FOXP1: variants seen among roughly 807,000 people sequenced by gnomAD.
FOXP1 encodes forkhead box protein P1.
Under a neutral mutation model 98.2 loss-of-function variants are expected in FOXP1, and 15 were observed. The ratio of observed to expected loss-of-function variants is 0.15; its 90% CI spans 0.10 to 0.24. FOXP1 has a LOEUF of 0.24. Ranked by LOEUF, FOXP1 falls within the 10% of genes least tolerant of loss-of-function variation. The pLI is 1.00. For missense variants in FOXP1, 633 were observed against 848.5 expected (o/e 0.75, Z 3.15); for synonymous variants, 371 against 314.5 (o/e 1.18, Z -1.90).
intron 6 of FOXP1, among the ~76,000 whole-genome samples, chr3:71,172,168 T>A (rs2061684836): frequency 6.6e-6 from 1 of 152,204 alleles, no homozygotes; most frequent in South Asian, 2.1e-4. Context: ...TTACTTTTTT[T>A]TTAATACAAG....
intron 14 of FOXP1, among the ~76,000 whole-genome samples, chr3:70,979,243 G>A (rs1331153388): frequency 8.7e-5 from 10 of 115,564 alleles, no homozygotes; most frequent in Non-Finnish European, 1.4e-4. Flanking sequence ...GATCACCACT[G>A]CATTCCAGCC....
At chr3:71,391,527 C>T (rs1230052861) in intron 3 of FOXP1, among the ~76,000 whole-genome samples, 1 of 152,248 alleles carries the variant, frequency 6.6e-6, no homozygotes, top group Non-Finnish European at 1.5e-5. Flanking sequence ...CACAGACACA[C>T]ACTTCGGTCT....
chr3:71,138,107 C>T (rs947324188), intron 6 of FOXP1, among the ~76,000 whole-genome samples: 6 of 152,112 alleles, frequency 3.9e-5, no homozygotes, highest in Non-Finnish European at 4.4e-5. Flanking sequence ...CCACAAGGAA[C>T]CACAACTAAT....
intron 5 of FOXP1, among the ~76,000 whole-genome samples, chr3:71,252,586 C>A (rs1211487970): frequency 2.6e-5 from 4 of 152,116 alleles, no homozygotes; most frequent in Admixed American, 2.0e-4. Flanking sequence ...TGCCTCAGGC[C>A]CCCTGAGTGC....
chr3:71,113,123 CA>C (rs201076066), intron 6 of FOXP1, among the ~76,000 whole-genome samples: 7 of 149,596 alleles, frequency 4.7e-5, no homozygotes, highest in Admixed American at 2.7e-4. Context: ...TGGTGGACCA[CA>C]AAAAAAAATA....
chr3:71,039,878 A>G (rs2048105721), intron 11 of FOXP1, among the ~76,000 whole-genome samples: 1 of 152,162 alleles, frequency 6.6e-6, no homozygotes, highest in Admixed American at 6.6e-5. Context: ...CAATGGCTCC[A>G]AAGATTGTCA....
chr3:71,425,243 G>T (rs978630167), intron 3 of FOXP1, among the ~76,000 whole-genome samples: 1 of 152,130 alleles, frequency 6.6e-6, no homozygotes, highest in Non-Finnish European at 1.5e-5. Flanking sequence ...AGCCTCCTGC[G>T]TAGCTGGGAT....
At chr3:71,419,270 G>A (rs1219908619) in intron 3 of FOXP1, among the ~76,000 whole-genome samples, 3 of 149,788 alleles carry the variant, frequency 2.0e-5, no homozygotes, top group South Asian at 2.1e-4. Flanking sequence ...AAAAGGGAGG[G>A]GAGGGGAGGG....
In FOXP1 at chr3:71,539,086, GT is replaced by G. The variant is rs557856311; in HGVS notation, c.-298+42462del. On this transcript the variant is annotated intron_variant, in intron 2 of 20. Transcript: ENST00000649528. ...CTTGATTATTGTAGCTTTGTTTTAGGTTTTTTTATTTTTTATTTTTTTGTTT... is the reference window on the plus strand; with the variant it reads ...CTTGATTATTGTAGCTTTGTTTTAGGTTTTTTATTTTTTATTTTTTTGTTT... Among the ~76,000 whole-genome samples, 755 of 148,982 alleles carry G rather than the reference GT, an allele frequency of 5.1e-3. 4 individuals carry two copies. The highest frequency in any genetic ancestry group is 0.018 in the African/African-American group (711 of 40,408).
chr3:70,957,951 G>A lies in FOXP1; in HGVS notation c.*1296C>T, dbSNP rs528918208. The A allele has an allele frequency of 3.6e-4, 87 of 243,000 alleles. 1 individual carries two copies. In the South Asian group the frequency reaches 7.2e-3, roughly 20 times the overall value. 15.1% of individuals were successfully genotyped at this position (243,000 alleles called of 1,614,324 possible). ...AATGTATAAACTCAGCGCCGCCGCC[G>A]CCACCCCTACTTTCAGGGCAGCTGC... On this transcript the variant is annotated 3_prime_UTR_variant, in exon 21 of 21. Coordinates refer to ENST00000649528, the MANE Select transcript of FOXP1 (RefSeq NM_001349338.3).
Position 71,313,403 on chromosome 3 carries a change from T to A in FOXP1, c.-72-13523A>T, listed in dbSNP as rs116448500. On this transcript the variant is annotated intron_variant, in intron 4 of 20. Coordinates refer to ENST00000649528, the MANE Select transcript of FOXP1 (RefSeq NM_001349338.3). The stretch of plus-strand genomic sequence containing the variant: ...CAGTACAACAGGCTGCAAGTGATTG[T>A]TATCTACCTATTCATTGGCTGAAAA... 7.3e-3 allele frequency among the ~76,000 whole-genome samples: 1,117 copies of A among 152,116 alleles called. 30 individuals are homozygous for A. The highest frequency in any genetic ancestry group is 4.7e-3 in the Non-Finnish European group (318 of 67,988).
chr3:71,061,641 C>T (rs530541222), intron 7 of FOXP1, among the ~76,000 whole-genome samples: 1 of 152,070 alleles, frequency 6.6e-6, no homozygotes, highest in Admixed American at 6.5e-5. Flanking sequence ...TTACTCTAAC[C>T]TTCTCGATCA....
intron 6 of FOXP1, among the ~76,000 whole-genome samples, chr3:71,140,977 C>G (rs949330945): frequency 6.6e-6 from 1 of 151,376 alleles, no homozygotes; most frequent in East Asian, 1.9e-4. Context: ...TGCCAAGAAA[C>G]TGTGATCCAG....
intron 6 of FOXP1, among the ~76,000 whole-genome samples, chr3:71,122,845 T>A (rs1373741595): frequency 6.6e-6 from 1 of 152,166 alleles, no homozygotes; most frequent in Non-Finnish European, 1.5e-5. Context: ...TCACACTGTA[T>A]CAAGGTCACT....
chr3:71,253,666 T>C (rs1299068693), intron 5 of FOXP1, among the ~76,000 whole-genome samples: 6 of 152,190 alleles, frequency 3.9e-5, no homozygotes, highest in Non-Finnish European at 7.3e-5. Flanking sequence ...ATGTACCTAT[T>C]GTAATTTTAA....
At chr3:70,968,369 T>G (rs996522325) in intron 19 of FOXP1, 4 of 151,660 alleles carry the variant, frequency 2.6e-5, no homozygotes, top group Non-Finnish European at 4.4e-5. Context: ...AAGTGTTTTT[T>G]TTTTTTTTTT....
chr3:71,053,840 C>G lies in FOXP1; in HGVS notation c.283-67G>C, dbSNP rs2050243135. ...GAAGCACGCAGCCTCCCAGGTTCAG[C>G]AGCTGACTGCCATCAGCCTGCTTAA... On this transcript the variant is annotated intron_variant, in intron 7 of 20. Transcript: ENST00000649528. The G allele has an allele frequency of 8.2e-6, 13 of 1,578,684 alleles. No individual in the cohort carries two copies. In the East Asian group the frequency reaches 2.9e-4, roughly 36 times the overall value.
intron 5 of FOXP1, chr3:71,289,730 C>T (rs2107489412): frequency 6.7e-6 from 1 of 149,604 alleles, no homozygotes; most frequent in East Asian, 2.0e-4. Context: ...CACTGTGGCC[C>T]CAAGCTCCTG....
At chr3:71,067,329 T>C (rs2052636904) in intron 7 of FOXP1, among the ~76,000 whole-genome samples, 1 of 152,174 alleles carries the variant, frequency 6.6e-6, no homozygotes, top group Non-Finnish European at 1.5e-5. Flanking sequence ...TGCCCTGTAT[T>C]TGGGATTCAG....
Sources: allele counts gnomAD v4.1 joint callset (sites outside exome capture counted in the v4.1 genomes callset), GRCh38; gene constraint gnomAD v4.1.1; transcripts MANE v1.5; gene names NCBI Gene and HGNC (gene_info 2026-07-23, HGNC 2026-07-21).